EPX: variants seen among roughly 807,000 people sequenced by gnomAD.
EPX encodes the protein eosinophil peroxidase.
Under a neutral mutation model 73.0 loss-of-function variants are expected in EPX, and 60 were observed. The ratio of observed to expected loss-of-function variants is 0.82; its 90% CI spans 0.67 to 1.02. EPX has a LOEUF of 1.02. EPX is among the 50% of genes least tolerant of loss of function. The probability of loss-of-function intolerance (pLI) is 0.00; values close to 1 mark genes in which losing one functional copy is unlikely to be tolerated. For synonymous variants in EPX, 347 were observed against 389.2 expected, an observed-to-expected ratio of 0.89 and a Z score of 1.28; for missense variants, 950 against 973.9, an observed-to-expected ratio of 0.98 and a Z score of 0.33.
chr17:58,200,259 C>T lies in EPX; in HGVS notation c.1572C>T (p.Ala524=). ...GIDPILRGLM[A]TPAKLNRQDA... ...ACCCCATCCTCCGGGGCCTCATGGC[C>T]ACCCCTGCCAAGCTGAACCGTCAGG... The change falls in exon 10 of 13, where the codon GCC becomes GCT. Residue 524 remains alanine (A), a synonymous_variant. Transcript: ENST00000225371. 6.2e-7 allele frequency: 1 copy of T among 1,614,208 alleles called. No individual in the cohort carries two copies. Among genetic ancestry groups the T allele is most frequent in the African/African-American group, 1.3e-5 (1 of 75,062 alleles).
chr17:58,195,461 G>C (rs2143707261), intron 6 of EPX, among the ~76,000 whole-genome samples: 1 of 152,240 alleles, frequency 6.6e-6, no homozygotes, highest in South Asian at 2.1e-4. Flanking sequence ...GAAGCCTCTG[G>C]GCCCCTGCTT....
Position 58,199,049 on chromosome 17 carries a change from G to A in EPX, c.1130G>A (p.Arg377Gln), listed in dbSNP as rs754901703. Residue 377 changes from arginine (R) to glutamine (Q), a missense_variant, in exon 8 of 13, where the codon CGA (arginine) becomes CAA (glutamine). Physicochemically the swap from Arg to Gln is conservative, Grantham distance 43. Transcript: ENST00000225371. ...RIPCFLAGDT[R>Q]STETPKLAAM... is the part of the protein sequence containing the mutation. ...GCTTGGGGTTTTCAAGGTGACACCC[G>A]ATCAACGGAAACCCCCAAACTGGCA... The A allele has an allele frequency of 5.6e-6, 9 of 1,613,590 alleles. No homozygotes were observed. The highest frequency in any genetic ancestry group is 1.6e-4 in the Middle Eastern group (1 of 6,084).
chr17:58,192,851 A>T lies in EPX; in HGVS notation c.5A>T (p.His2Leu). MHLLPALAGVLA... is the reference protein window; with the variant it reads MLLLPALAGVLA... ...TGGTGAAGCCTCGCTGCAGAGATGC[A>T]TCTGCTCCCAGCCCTGGCAGGGGTC... Residue 2 changes from histidine to leucine, a missense_variant, in exon 1 of 13, where the codon CAT becomes CTT. Coordinates refer to ENST00000225371, the MANE Select transcript of EPX (RefSeq NM_000502.6). 1.9e-6 allele frequency: 3 copies of T among 1,613,962 alleles called. No homozygotes were observed. Among genetic ancestry groups the T allele is most frequent in the Non-Finnish European group, 2.5e-6 (3 of 1,179,902 alleles).
Position 58,193,133 on chromosome 17 carries a change from TGGACTTG to T in EPX, c.170+5_170+11del, listed in dbSNP as rs765024611. ...TGCCTACAATTGGACCCAGAAGAGG[TGGACTTG>T]GGTCTGGGGGCTGCATGGGCCTGGG... is the stretch of plus-strand genomic sequence containing the variant. On this transcript the variant is annotated splice_donor_5th_base_variant and intron_variant, in intron 2 of 12. Coordinates refer to ENST00000225371, the MANE Select transcript of EPX (RefSeq NM_000502.6). 3.8e-6 allele frequency: 6 copies of T among 1,599,556 alleles called. No individual in the cohort carries two copies. The African/African-American group carries it at 6.8e-5, about 18-fold the overall frequency.
In EPX at chr17:58,199,773, A is replaced by G. The variant is rs1289900087; in HGVS notation, c.1516A>G (p.Ser506Gly). 6.2e-7 allele frequency: 1 copy of G among 1,609,996 alleles called. No individual in the cohort carries two copies. Among genetic ancestry groups the G allele is most frequent in the South Asian group, 1.1e-5 (1 of 91,052 alleles). Residue 506 changes from serine to glycine, a missense_variant, in exon 9 of 13, where the codon AGC (serine) becomes GGC (glycine). Transcript: ENST00000225371. The stretch of plus-strand genomic sequence containing the variant: ...CCCACTTAGCTCTGCCTTCTTTGCC[A>G]GCTGGCGGATCGTGTATGAAGGTGA... ...HVPLSSAFFASWRIVYEGGID... is the reference protein window; with the variant it reads ...HVPLSSAFFAGWRIVYEGGID...
Position 58,192,759 on chromosome 17 carries a change from G to A in EPX, c.-88G>A. ...GGAGGAAGTGAGAGGTCGGCTGGGG[G>A]TCCTCAAAGTGAGAGGGGAGCAGAG... On this transcript the variant is annotated 5_prime_UTR_variant, in exon 1 of 13. Coordinates refer to ENST00000225371, the MANE Select transcript of EPX (RefSeq NM_000502.6). 3 of 1,132,822 alleles carry A rather than the reference G, an allele frequency of 2.6e-6. No individual in the cohort carries two copies. The highest frequency in any genetic ancestry group is 3.9e-6 in the Non-Finnish European group (3 of 766,350). The allele number at this position is 1,132,822 out of a possible 1,614,324, so 70.2% of individuals were successfully genotyped here.
rs536094300 is a variant in EPX at position 58,194,017 on chromosome 17, C to T, written c.519C>T (p.Ala173=). 1.5e-5 allele frequency: 24 copies of T among 1,613,076 alleles called. 1 individual carries two copies. In the Admixed American group the frequency reaches 3.5e-4, roughly 24 times the overall value. The stretch of plus-strand genomic sequence containing the variant: ...AGGCTCTGGCTCGCTGGCTGCCCGC[C>T]GAGTATGAGGATGGGCTGTCGCTCC... ...SNQALARWLP[A]EYEDGLSLPF... The change falls in exon 5 of 13, where the codon GCC becomes GCT. Residue 173 remains alanine (A), a synonymous_variant. Coordinates refer to ENST00000225371, the MANE Select transcript of EPX (RefSeq NM_000502.6).
chr17:58,200,399 A>C lies in EPX; in HGVS notation c.1708+4A>C. Reference sequence around the variant, plus strand: ...AGCCGGGACCACGGCCTTCCAGGTGAGGGGGCTGTCCACCTCTTCTCCCAG... The same window carrying C: ...AGCCGGGACCACGGCCTTCCAGGTGCGGGGGCTGTCCACCTCTTCTCCCAG... On this transcript the variant is annotated splice_donor_region_variant and intron_variant, in intron 10 of 12. Transcript: ENST00000225371. 2 of 1,613,996 alleles carry C rather than the reference A, an allele frequency of 1.2e-6. No individual in the cohort carries two copies. Among genetic ancestry groups the C allele is most frequent in the East Asian group, 2.2e-5 (1 of 44,868 alleles).
At chr17:58,198,798 G>T (rs1339939248) in intron 7 of EPX, among the ~76,000 whole-genome samples, 2 of 152,190 alleles carry the variant, frequency 1.3e-5, no homozygotes, top group African/African-American at 4.8e-5. Flanking sequence ...ACCAGCAGCT[G>T]CCCTGTGCTT....
At chr17:58,196,500 C>T (rs1968258247) in intron 6 of EPX, among the ~76,000 whole-genome samples, 1 of 152,178 alleles carries the variant, frequency 6.6e-6, no homozygotes, top group African/African-American at 2.4e-5. Flanking sequence ...GAACTGCCAG[C>T]TTCCTGCAAC....
chr17:58,204,458 C>T (rs936804881), intron 12 of EPX, 24 bp downstream of exon 12: 3 of 1,498,290 alleles, frequency 2.0e-6, no homozygotes, highest in Non-Finnish European at 2.8e-6. Flanking sequence ...ACCTCCAGCA[C>T]CCTGGGCTGG....
In EPX at chr17:58,193,488, T is replaced by C. The variant is rs35979397; in HGVS notation, c.288T>C (p.Ala96=). 1,123 of 1,614,194 alleles carry C rather than the reference T, an allele frequency of 7.0e-4. 8 individuals are homozygous for C. The African/African-American group carries it at 7.5e-3, about 11-fold the overall frequency. The change falls in exon 3 of 13, where the codon GCT becomes GCC. Residue 96 remains alanine, a synonymous_variant. Transcript: ENST00000225371. The part of the protein sequence containing the change: ...VVRAADYMHV[A]LGLLEEKLQP... ...GGGCCGCAGATTATATGCATGTGGC[T>C]TTGGGGCTGCTTGAAGAGAAGTTAC...
At chr17:58,197,423 GT>G (rs1420228538) in intron 7 of EPX, among the ~76,000 whole-genome samples, 166 bp downstream of exon 7, 1 of 150,886 alleles carries the variant, frequency 6.6e-6, no homozygotes, top group Non-Finnish European at 1.5e-5. Context: ...AGAACGTTGA[GT>G]CCCTTTGCAA....
Position 58,203,068 on chromosome 17 carries a change from C to T in EPX, c.1709-13C>T, listed in dbSNP as rs747310268. The T allele has an allele frequency of 1.4e-5, 22 of 1,594,668 alleles. No individual in the cohort carries two copies. Among genetic ancestry groups the T allele is most frequent in the East Asian group, 2.2e-5 (1 of 44,770 alleles). ...CAGCAAGACTGAAGCTGCTTCTCCC[C>T]GTTCCCCTGCAGGGTACAATGCTTG... On this transcript the variant is annotated splice_polypyrimidine_tract_variant and intron_variant, in intron 10 of 12. Coordinates refer to ENST00000225371, the MANE Select transcript of EPX (RefSeq NM_000502.6).
At chr17:58,198,789 C>T (rs1310715033) in intron 7 of EPX, among the ~76,000 whole-genome samples, 3 of 152,192 alleles carry the variant, frequency 2.0e-5, no homozygotes, top group African/African-American at 7.2e-5. Context: ...CTGCCTGAGA[C>T]CAGCAGCTGC....
intron 6 of EPX, among the ~76,000 whole-genome samples, chr17:58,195,445 A>T (rs1244304630): frequency 1.3e-5 from 2 of 152,090 alleles, no homozygotes; most frequent in African/African-American, 4.8e-5. Context: ...TCTGAATCCA[A>T]CAGGGGAAGC....
In EPX at chr17:58,203,077, G is replaced by A; in HGVS notation, c.1709-4G>A. 6.2e-7 allele frequency: 1 copy of A among 1,608,412 alleles called. No homozygotes were observed. The highest frequency in any genetic ancestry group is 8.5e-7 in the Non-Finnish European group (1 of 1,175,196). ...TGAAGCTGCTTCTCCCCGTTCCCCT[G>A]CAGGGTACAATGCTTGGAGGCGCTT... On this transcript the variant is annotated splice_polypyrimidine_tract_variant and splice_region_variant and intron_variant, in intron 10 of 12. Coordinates refer to ENST00000225371, the MANE Select transcript of EPX (RefSeq NM_000502.6).
At chr17:58,203,644 A>G (rs1968375275) in intron 11 of EPX, among the ~76,000 whole-genome samples, 1 of 151,998 alleles carries the variant, frequency 6.6e-6, no homozygotes, top group Non-Finnish European at 1.5e-5. Flanking sequence ...GTGATTTAAG[A>G]CCTGACGGCC....
chr17:58,195,938 C>CTCCT (rs33954589), intron 6 of EPX, among the ~76,000 whole-genome samples: 49,590 of 149,992 alleles, frequency 0.33, 8,456 homozygotes, highest in African/African-American at 0.41. Context: ...TCTCCTCTCT[C>CTCCT]TCCTTCCTTC....
Sources: gnomAD v4.1 joint callset for allele counts (sites outside exome capture counted in the v4.1 genomes callset) on GRCh38, gnomAD v4.1.1 for gene constraint, MANE v1.5 for transcripts, NCBI Gene and HGNC (gene_info 2026-07-23, HGNC 2026-07-21) for gene names.